Variants in HPSE2 observed in about 807,000 individuals in gnomAD.
HPSE2 encodes heparanase 2 (inactive), also known as inactive heparanase-2.
In HPSE2, 38 loss-of-function variants were observed where a neutral mutation model predicts 60.5. The ratio of observed to expected loss-of-function variants is 0.63; its 90% CI spans 0.48 to 0.82. The LOEUF (loss-of-function observed/expected upper bound fraction) is 0.82. HPSE2 is among the 40% of genes least tolerant of loss of function. The pLI is 0.00. For synonymous variants in HPSE2, 295 were observed against 293.2 expected (o/e 1.01, Z -0.06); for missense variants, 713 against 740.4 (o/e 0.96, Z 0.43).
At chr10:98,888,449 A>G (rs150375061) in intron 3 of HPSE2, among the ~76,000 whole-genome samples, 1 of 152,182 alleles carries the variant, frequency 6.6e-6, no homozygotes, top group Admixed American at 6.5e-5. Context: ...AATTAAGAAA[A>G]AGATATCAGT....
chr10:98,825,618 C>CGGGGGGGGGGGG (rs1951525861), intron 3 of HPSE2, among the ~76,000 whole-genome samples: 3 of 5,160 alleles, frequency 5.8e-4, no homozygotes, highest in African/African-American at 1.5e-3. Context: ...GTTGGGGGGG[C>CGGGGGGGGGGGG]GGGGGTGGGG....
At chr10:99,081,561 T>A (rs1843137116) in intron 3 of HPSE2, among the ~76,000 whole-genome samples, 1 of 150,126 alleles carries the variant, frequency 6.7e-6, no homozygotes, top group Non-Finnish European at 1.5e-5. Context: ...GCTACTAGAG[T>A]GCTATTCTAC....
At chr10:98,977,901 A>T (rs967852621) in intron 3 of HPSE2, among the ~76,000 whole-genome samples, 6 of 150,834 alleles carry the variant, frequency 4.0e-5, no homozygotes, top group African/African-American at 1.5e-4. Flanking sequence ...TTATATACTA[A>T]TTTTTATGGT....
intron 3 of HPSE2, among the ~76,000 whole-genome samples, chr10:98,989,303 A>C (rs1956460030): frequency 6.6e-6 from 1 of 152,252 alleles, no homozygotes; most frequent in South Asian, 2.1e-4. Context: ...ACACCATCGA[A>C]TACTAGGCAG....
intron 6 of HPSE2, among the ~76,000 whole-genome samples, chr10:98,656,977 G>A (rs1271588991): frequency 6.6e-6 from 1 of 151,988 alleles, no homozygotes; most frequent in African/African-American, 2.4e-5. Context: ...TGGCCAGGCT[G>A]GTCTTGAACT....
intron 3 of HPSE2, chr10:99,048,379 TAAGC>T (rs1957909002): frequency 3.9e-6 from 1 of 255,694 alleles, no homozygotes; most frequent in Admixed American, 5.3e-5. Flanking sequence ...AAAAAAAAAA[TAAGC>T]AAGCAAAAAC....
At chr10:98,493,063 C>T (rs530741207) in intron 9 of HPSE2, among the ~76,000 whole-genome samples, 2 of 152,310 alleles carry the variant, frequency 1.3e-5, no homozygotes, top group South Asian at 2.1e-4. Flanking sequence ...TAAATGAACT[C>T]ATAGTATTTG....
At chr10:98,626,079 C>G (rs1283729121) in intron 7 of HPSE2, among the ~76,000 whole-genome samples, 1 of 148,110 alleles carries the variant, frequency 6.8e-6, no homozygotes, top group Non-Finnish European at 1.5e-5. Flanking sequence ...ACACTCCAGC[C>G]TGGGCGACAG....
At chr10:99,068,263 C>A (rs1209397545) in intron 3 of HPSE2, among the ~76,000 whole-genome samples, 2 of 152,172 alleles carry the variant, frequency 1.3e-5, no homozygotes, top group Non-Finnish European at 2.9e-5. Context: ...GGTATTTTTA[C>A]AGCAGCGCCC....
At chr10:98,502,025 A>T (rs1942044139) in intron 9 of HPSE2, among the ~76,000 whole-genome samples, 1 of 152,152 alleles carries the variant, frequency 6.6e-6, no homozygotes, top group African/African-American at 2.4e-5. Context: ...AAACTACAAA[A>T]CACTGCTTAA....
intron 3 of HPSE2, among the ~76,000 whole-genome samples, chr10:98,863,930 A>G (rs12573539): frequency 0.019 from 2,902 of 151,692 alleles, 101 homozygotes; most frequent in East Asian, 0.15. Flanking sequence ...AGTTGTACAT[A>G]TTATAAAATA....
rs1842685545 is a variant in HPSE2, at chr10:99,068,529, A to G, written c.610+75709T>C. 2.6e-5 allele frequency among the ~76,000 whole-genome samples: 4 copies of G among 152,192 alleles called. No individual in the cohort carries two copies. In the South Asian group the frequency reaches 8.3e-4, roughly 32 times the overall value. On this transcript the variant is annotated intron_variant, in intron 3 of 11. Transcript: ENST00000370552. ...ATTCACTACCATGAGAACAGTGTGG[A>G]AGAAACTGCCCCCATGATTCAATTA...
At chr10:98,692,372 G>A (rs1190326360) in intron 6 of HPSE2, among the ~76,000 whole-genome samples, 3 of 152,218 alleles carry the variant, frequency 2.0e-5, no homozygotes, top group Non-Finnish European at 4.4e-5. Flanking sequence ...AAAGGCCAGT[G>A]TGGAGAGTTT....
intron 2 of HPSE2, among the ~76,000 whole-genome samples, chr10:99,198,785 GAATT>G (rs780281588): frequency 4.6e-5 from 7 of 152,112 alleles, no homozygotes; most frequent in South Asian, 2.1e-4. Context: ...TGATCTTAAT[GAATT>G]AATTAATCAT....
intron 3 of HPSE2, among the ~76,000 whole-genome samples, chr10:99,002,661 A>G (rs1480291579): frequency 6.6e-6 from 1 of 152,152 alleles, no homozygotes; most frequent in Non-Finnish European, 1.5e-5. Context: ...CTAAATCTGG[A>G]TGAGATCCTG....
At chr10:98,894,838 T>C (rs1193522619) in intron 3 of HPSE2, among the ~76,000 whole-genome samples, 1 of 147,792 alleles carries the variant, frequency 6.8e-6, no homozygotes, top group Non-Finnish European at 1.5e-5. Context: ...ATAGTGAAAA[T>C]ACAAAACATC....
intron 3 of HPSE2, among the ~76,000 whole-genome samples, chr10:98,945,041 T>G (rs1955138260): frequency 6.6e-6 from 1 of 152,154 alleles, no homozygotes; most frequent in Non-Finnish European, 1.5e-5. Flanking sequence ...GCAAATTCAC[T>G]TAGGTGCAAA....
the HPSE2 span, among the ~76,000 whole-genome samples, chr10:99,241,441 C>T: frequency 4.4e-4 from 67 of 152,144 alleles, no homozygotes; most frequent in Non-Finnish European, 7.1e-4. Flanking sequence ...AGTTTATGTA[C>T]GGGGAAAGTA....
intron 7 of HPSE2, among the ~76,000 whole-genome samples, chr10:98,633,567 T>C (rs1456323977): frequency 2.0e-5 from 3 of 152,182 alleles, no homozygotes; most frequent in Non-Finnish European, 2.9e-5. Context: ...TATAAAAATA[T>C]AGCAGATGAT....
Sources: gnomAD v4.1 joint callset for allele counts (sites outside exome capture counted in the v4.1 genomes callset) on GRCh38, gnomAD v4.1.1 for gene constraint, MANE v1.5 for transcripts, NCBI Gene and HGNC (gene_info 2026-07-23, HGNC 2026-07-21) for gene names.